Variants in TAOK3 observed in about 807,000 individuals in gnomAD.
TAOK3 encodes TAO kinase 3, also known as serine/threonine-protein kinase TAO3.
In TAOK3, 40 loss-of-function variants were observed where a neutral mutation model predicts 120.4. The ratio of observed to expected loss-of-function variants is 0.33; its 90% CI spans 0.26 to 0.43. The LOEUF (loss-of-function observed/expected upper bound fraction) is 0.43, where lower values mean the gene tolerates loss of function less well. Among genes scored for constraint, TAOK3 ranks in the 20% least tolerant of loss-of-function variants. The probability of loss-of-function intolerance (pLI) is 1.00; values close to 1 mark genes in which losing one functional copy is unlikely to be tolerated. For missense variants in TAOK3, 821 were observed against 1,112.1 expected, an observed-to-expected ratio of 0.74 and a Z score of 3.72; for synonymous variants, 355 against 387.5, an observed-to-expected ratio of 0.92 and a Z score of 0.99.
intron 2 of TAOK3, among the ~76,000 whole-genome samples, chr12:118,263,074 C>A (rs369379083): frequency 5.3e-5 from 8 of 152,060 alleles, no homozygotes; most frequent in African/African-American, 1.9e-4. Context: ...GGAGAGCTAG[C>A]ATAAAATAAT....
chr12:118,330,608 TTAGGTTAC>T (rs1487834379), intron 1 of TAOK3, among the ~76,000 whole-genome samples: 2 of 152,064 alleles, frequency 1.3e-5, no homozygotes, highest in Non-Finnish European at 2.9e-5. Flanking sequence ...GGCAGCTCCT[TTAGGTTAC>T]AAAAGAAGAT....
chr12:118,186,193 TCTCCTACATGC>T, intron 14 of TAOK3, among the ~76,000 whole-genome samples: 1 of 152,312 alleles, frequency 6.6e-6, no homozygotes, highest in Non-Finnish European at 1.5e-5. Context: ...ATAATACTTT[TCTCCTACATGC>T]CTCCTTGGGA....
At chr12:118,264,642 T>C (rs937997914) in intron 2 of TAOK3, among the ~76,000 whole-genome samples, 2 of 152,188 alleles carry the variant, frequency 1.3e-5, no homozygotes, top group Admixed American at 1.3e-4. Context: ...AGTGGATATG[T>C]TTATTTCCAC....
intron 1 of TAOK3, among the ~76,000 whole-genome samples, chr12:118,329,443 T>C (rs534616477): frequency 6.6e-6 from 1 of 152,296 alleles, no homozygotes; most frequent in South Asian, 2.1e-4. Context: ...TTATATCCAT[T>C]TCAGAGTCTA....
chr12:118,361,772 CTTA>C (rs1452761822), intron 1 of TAOK3, among the ~76,000 whole-genome samples: 1 of 151,126 alleles, frequency 6.6e-6, no homozygotes, highest in Non-Finnish European at 1.5e-5. Context: ...ATTTTATTTC[CTTA>C]TTATTTTTAA....
chr12:118,343,022 G>A (rs981752128), intron 1 of TAOK3, among the ~76,000 whole-genome samples: 2 of 147,236 alleles, frequency 1.4e-5, no homozygotes, highest in Non-Finnish European at 3.0e-5. Context: ...TTCAGATACT[G>A]TTTCTTAGGC....
intron 1 of TAOK3, among the ~76,000 whole-genome samples, chr12:118,285,043 T>C (rs1593409707): frequency 6.6e-6 from 1 of 151,476 alleles, no homozygotes; most frequent in Non-Finnish European, 1.5e-5. Flanking sequence ...TGTCTTTCTA[T>C]GGGAATATAT....
chr12:118,224,417 C>G (rs954616864), intron 9 of TAOK3, among the ~76,000 whole-genome samples: 1 of 152,202 alleles, frequency 6.6e-6, no homozygotes, highest in Non-Finnish European at 1.5e-5. Flanking sequence ...GGCAGAGAAT[C>G]TATAACATTT....
chr12:118,352,789 C>T (rs1241809061), intron 1 of TAOK3, among the ~76,000 whole-genome samples: 1 of 152,150 alleles, frequency 6.6e-6, no homozygotes, highest in African/African-American at 2.4e-5. Context: ...TGGCTCACTG[C>T]AACTTCCACC....
chr12:118,338,786 C>CAAAAAAA (rs71069438), intron 1 of TAOK3, among the ~76,000 whole-genome samples: 7 of 49,854 alleles, frequency 1.4e-4, no homozygotes, highest in Non-Finnish European at 1.9e-4. Context: ...GACTCCGTCT[C>CAAAAAAA]AAAAAAAAAA....
intron 1 of TAOK3, among the ~76,000 whole-genome samples, chr12:118,311,834 C>G (rs2043274793): frequency 6.6e-6 from 1 of 152,044 alleles, no homozygotes; most frequent in Non-Finnish European, 1.5e-5. Context: ...AACAGGAGCT[C>G]ACAGCAGGGA....
intron 1 of TAOK3, among the ~76,000 whole-genome samples, chr12:118,333,072 T>C (rs2044219426): frequency 6.6e-6 from 1 of 152,018 alleles, no homozygotes; most frequent in African/African-American, 2.4e-5. Flanking sequence ...CAGCAATTGA[T>C]AGAATTACTA....
At chr12:118,251,141 A>G (rs942533224) in intron 3 of TAOK3, among the ~76,000 whole-genome samples, 3 of 152,162 alleles carry the variant, frequency 2.0e-5, no homozygotes, top group Non-Finnish European at 2.9e-5. Flanking sequence ...TCTTTTTTCA[A>G]GCTCATCGAG....
Position 118,255,530 on chromosome 12 carries a change from T to A in TAOK3, c.38A>T (p.Asp13Val), listed in dbSNP as rs1437470121. 1 of 1,614,010 alleles carries A rather than the reference T, an allele frequency of 6.2e-7. No homozygotes were observed. Among genetic ancestry groups the A allele is most frequent in the Non-Finnish European group, 8.5e-7 (1 of 1,180,014 alleles). The part of the protein sequence containing the change: ...KGVLKDPEIA[D>V]LFYKDDPEEL... ...CTCAGGATCATCTTTGTAGAATAGA[T>A]CGGCAATCTCTGGGTCCTTCAGCAC... Residue 13 changes from aspartate to valine, a missense_variant, in exon 3 of 21, where the codon GAT becomes GTT. Physicochemically the swap from Asp to Val is radical, Grantham distance 152. Coordinates refer to ENST00000392533, the MANE Select transcript of TAOK3 (RefSeq NM_016281.4).
intron 2 of TAOK3, among the ~76,000 whole-genome samples, chr12:118,257,659 G>A (rs2041048121): frequency 1.4e-5 from 2 of 146,234 alleles, no homozygotes; most frequent in Admixed American, 6.8e-5. Flanking sequence ...TCTCATGCTA[G>A]GAGAAGAAAA....
At chr12:118,218,227 T>C (rs1328681090) in intron 9 of TAOK3, among the ~76,000 whole-genome samples, 1 of 152,078 alleles carries the variant, frequency 6.6e-6, no homozygotes, top group East Asian at 1.9e-4. Flanking sequence ...AGTTGCTGTG[T>C]GGTCGAATGG....
At chr12:118,206,203 T>C (rs1157172986) in intron 11 of TAOK3, among the ~76,000 whole-genome samples, 3 of 152,206 alleles carry the variant, frequency 2.0e-5, no homozygotes. Flanking sequence ...AAAAGCTACA[T>C]GCTAAGGATG....
chr12:118,279,484 C>T (rs900889898), intron 1 of TAOK3, among the ~76,000 whole-genome samples: 3 of 150,978 alleles, frequency 2.0e-5, no homozygotes. Context: ...ATGTAATCTT[C>T]GCCAGGTCCT....
At chr12:118,316,791 C>T (rs1370865410) in intron 1 of TAOK3, among the ~76,000 whole-genome samples, 1 of 152,030 alleles carries the variant, frequency 6.6e-6, no homozygotes, top group African/African-American at 2.4e-5. Flanking sequence ...ATAAATTTAG[C>T]AAAGTTCCAG....
Sources: gnomAD v4.1 joint callset for allele counts (sites outside exome capture counted in the v4.1 genomes callset) on GRCh38, gnomAD v4.1.1 for gene constraint, MANE v1.5 for transcripts, NCBI Gene and HGNC (gene_info 2026-07-23, HGNC 2026-07-21) for gene names.